Variants in HGF observed in about 807,000 individuals in gnomAD.
The protein encoded by HGF is fibroblast-derived tumor cytotoxic factor.
A neutral mutation model predicts 111.6 loss-of-function variants in HGF; 39 were observed. The observed-to-expected ratio is 0.35, with a 90% confidence interval of 0.27 to 0.46. The LOEUF is 0.46. Ranked by LOEUF, HGF falls within the 20% of genes least tolerant of loss-of-function variation. HGF has a pLI of 1.00. For missense variants in HGF, 735 were observed against 910.5 expected, an observed-to-expected ratio of 0.81 and a Z score of 2.48; for synonymous variants, 285 against 294.8, an observed-to-expected ratio of 0.97 and a Z score of 0.34.
Position 81,699,809 on chromosome 7 carries a change from TG to T in HGF, c.*2771del, listed in dbSNP as rs1159773230. ...TATTGTTAATTTTCTTGCCTTCCAG[TG>T]TCTCACACTTCCCATAATTTGAAAC... On this transcript the variant is annotated 3_prime_UTR_variant, in exon 18 of 18. Coordinates refer to ENST00000222390, the MANE Select transcript of HGF (RefSeq NM_000601.6). The T allele has an allele frequency of 6.6e-6, 1 of 151,640 alleles. No individual in the cohort carries two copies. Among genetic ancestry groups the T allele is most frequent in the African/African-American group, 2.4e-5 (1 of 41,412 alleles). The allele number at this position is 151,640 out of a possible 1,614,324, so 9.4% of individuals were successfully genotyped here.
intron 7 of HGF, among the ~76,000 whole-genome samples, chr7:81,731,504 T>C (rs1036129907): frequency 4.6e-5 from 7 of 152,190 alleles, no homozygotes; most frequent in Admixed American, 3.9e-4. Flanking sequence ...GGGAAATGGC[T>C]TGTATAGAAA....
intron 7 of HGF, among the ~76,000 whole-genome samples, chr7:81,740,437 T>C (rs1438747287): frequency 6.6e-6 from 1 of 152,186 alleles, no homozygotes; most frequent in Non-Finnish European, 1.5e-5. Flanking sequence ...TCTTCTCCCC[T>C]TGGGTATGGA....
At chr7:81,726,669 C>G (rs761361927) in intron 8 of HGF, among the ~76,000 whole-genome samples, 3 of 151,810 alleles carry the variant, frequency 2.0e-5, no homozygotes, top group Non-Finnish European at 4.4e-5. Flanking sequence ...TATAGAAAAA[C>G]GAACTATAGA....
chr7:81,757,529 A>C (rs1765728777), intron 3 of HGF, among the ~76,000 whole-genome samples: 1 of 152,214 alleles, frequency 6.6e-6, no homozygotes, highest in Non-Finnish European at 1.5e-5. Context: ...ATATATGCAT[A>C]GATAGCTCCA....
chr7:81,740,180 C>A (rs1787958971), intron 7 of HGF, among the ~76,000 whole-genome samples: 1 of 152,106 alleles, frequency 6.6e-6, no homozygotes. Flanking sequence ...TATGATAAAA[C>A]ACGAGTTTAG....
chr7:81,766,448 G>A (rs753059913), intron 1 of HGF, among the ~76,000 whole-genome samples: 7 of 152,182 alleles, frequency 4.6e-5, no homozygotes, highest in Non-Finnish European at 1.0e-4. Flanking sequence ...ATTTCAAATA[G>A]AAGTCTAAAT....
chr7:81,769,924 G>A lies in HGF; in HGVS notation c.48C>T (p.Leu16=), dbSNP rs148935472. Reference sequence around the variant, plus strand: ...CGATGGGGAGCAGGAGGAGATGCAGGAGGACATGCTGCAGCAGCAGGGCTG... The same window carrying A: ...CGATGGGGAGCAGGAGGAGATGCAGAAGGACATGCTGCAGCAGCAGGGCTG... ...LLPALLLQHV[L]LHLLLLPIAI... The change falls in exon 1 of 18, where the codon CTC becomes CTT. Residue 16 remains leucine, a synonymous_variant. Coordinates refer to ENST00000222390, the MANE Select transcript of HGF (RefSeq NM_000601.6). The A allele has an allele frequency of 3.8e-5, 60 of 1,569,284 alleles. 1 individual carries two copies. Among genetic ancestry groups the A allele is most frequent in the South Asian group, 2.0e-4 (17 of 85,204 alleles).
At chr7:81,742,559 G>A in intron 7 of HGF, 1 of 303,614 alleles carries the variant, frequency 3.3e-6, no homozygotes, top group Non-Finnish European at 5.3e-6. Flanking sequence ...TTAATATCCA[G>A]TTGAAAAAAA....
chr7:81,741,994 A>G (rs916421938), intron 7 of HGF, among the ~76,000 whole-genome samples: 1 of 151,960 alleles, frequency 6.6e-6, no homozygotes, highest in African/African-American at 2.4e-5. Flanking sequence ...TACACACACA[A>G]AAAATCAGAA....
At chr7:81,734,810 T>C (rs1787772358) in intron 7 of HGF, among the ~76,000 whole-genome samples, 1 of 152,050 alleles carries the variant, frequency 6.6e-6, no homozygotes, top group Admixed American at 6.6e-5. Context: ...TGCTTACATC[T>C]ACGGTTTTCA....
chr7:81,768,614 C>T (rs10954659), intron 1 of HGF, among the ~76,000 whole-genome samples: 36,568 of 152,038 alleles, frequency 0.24, 4,525 homozygotes, highest in South Asian at 0.37. Context: ...CTCCTGACCT[C>T]GTGATCTGCC....
intron 1 of HGF, among the ~76,000 whole-genome samples, chr7:81,767,313 C>T (rs1789412792): frequency 6.6e-6 from 1 of 151,224 alleles, no homozygotes; most frequent in Admixed American, 6.6e-5. Context: ...AAAAACACCA[C>T]ATAGTTCATT....
At chr7:81,757,388 T>C (rs1316541847) in intron 3 of HGF, 85 bp from the exon 4 acceptor site, 12 of 734,170 alleles carry the variant, frequency 1.6e-5, no homozygotes, top group Non-Finnish European at 3.0e-5. Context: ...AACCTGTAAG[T>C]AATTAACTCT....
intron 5 of HGF, among the ~76,000 whole-genome samples, chr7:81,749,405 G>C (rs767518253): frequency 6.6e-6 from 1 of 151,992 alleles, no homozygotes; most frequent in Non-Finnish European, 1.5e-5. Context: ...TAAAACTTTT[G>C]AATCAAGCAC....
At chr7:81,741,352 C>T (rs1334533972) in intron 7 of HGF, among the ~76,000 whole-genome samples, 1 of 152,122 alleles carries the variant, frequency 6.6e-6, no homozygotes, top group East Asian at 1.9e-4. Context: ...AATTATATAG[C>T]ATGTTACTTG....
chr7:81,755,130 T>A (rs1043249024), intron 4 of HGF: 1 of 152,106 alleles, frequency 6.6e-6, no homozygotes, highest in Non-Finnish European at 1.5e-5. Context: ...GGGTGGCCAA[T>A]GAAGGATACA....
intron 4 of HGF, chr7:81,756,270 C>A: frequency 1.9e-6 from 1 of 534,434 alleles, no homozygotes; most frequent in Non-Finnish European, 3.3e-6. Context: ...AATAAAACTA[C>A]CCGCTGTGTG....
rs766102854 is a variant in HGF, at chr7:81,720,728, G to A, written c.1271+17C>T. ...TATCACTACATTCTATATATTGAAA[G>A]GAAGAAATTTACACACCGATGTAAG... On this transcript the variant is annotated intron_variant, in intron 10 of 17. Transcript: ENST00000222390. 1.4e-6 allele frequency: 2 copies of A among 1,425,296 alleles called. No homozygotes were observed. The highest frequency in any genetic ancestry group is 2.0e-6 in the Non-Finnish European group (2 of 1,008,056). The allele number at this position is 1,425,296 out of a possible 1,614,324, so 88.3% of individuals were successfully genotyped here.
intron 8 of HGF, among the ~76,000 whole-genome samples, chr7:81,727,080 G>A (rs1487384327): frequency 2.0e-5 from 3 of 148,470 alleles, no homozygotes; most frequent in Admixed American, 6.8e-5. Flanking sequence ...TCGTTCTGTC[G>A]CCCAAGCTGG....
Sources: allele counts gnomAD v4.1 joint callset (sites outside exome capture counted in the v4.1 genomes callset), GRCh38; gene constraint gnomAD v4.1.1; transcripts MANE v1.5; gene names NCBI Gene and HGNC (gene_info 2026-07-23, HGNC 2026-07-21).